Variants in LAMA3 observed in about 807,000 individuals in gnomAD.
LAMA3 encodes laminin subunit alpha-3.
A neutral mutation model predicts 402.0 loss-of-function variants in LAMA3; 281 were observed. The observed-to-expected ratio is 0.70, with a 90% confidence interval of 0.63 to 0.77. The LOEUF (loss-of-function observed/expected upper bound fraction) is 0.77, where lower values mean the gene tolerates loss of function less well. Ranked by LOEUF, LAMA3 falls within the 30% of genes least tolerant of loss-of-function variation. The pLI is 0.00. For synonymous variants in LAMA3, 1,431 were observed against 1,558.4 expected, an observed-to-expected ratio of 0.92 and a Z score of 1.93; for missense variants, 3,840 against 4,215.5, an observed-to-expected ratio of 0.91 and a Z score of 2.47.
chr18:23,861,536 T>G, intron 34 of LAMA3, 110 bp from the exon 35 acceptor site: 1 of 1,252,108 alleles, frequency 8.0e-7, no homozygotes, highest in Non-Finnish European at 1.2e-6. Flanking sequence ...AGGAGGCCTC[T>G]GAGGCAAGGA....
At chr18:23,722,804 G>T (rs1879464242) in intron 2 of LAMA3, among the ~76,000 whole-genome samples, 1 of 152,144 alleles carries the variant, frequency 6.6e-6, no homozygotes, top group Non-Finnish European at 1.5e-5. Flanking sequence ...ATGATAAACG[G>T]AGGTCACTGT....
At chr18:23,716,812 T>A (rs7229859) in intron 2 of LAMA3, among the ~76,000 whole-genome samples, 71,153 of 152,108 alleles carry the variant, frequency 0.47, 18,952 homozygotes, top group Non-Finnish European at 0.61. Context: ...CTCTGCTCAC[T>A]TGCTGTGTGG....
intron 12 of LAMA3, among the ~76,000 whole-genome samples, chr18:23,786,658 A>G (rs892988405): frequency 6.6e-6 from 1 of 152,210 alleles, no homozygotes; most frequent in African/African-American, 2.4e-5. Flanking sequence ...AATAGAAACC[A>G]CTTTTGAATG....
At chr18:23,753,350 A>C (rs2061786270) in intron 5 of LAMA3, among the ~76,000 whole-genome samples, 1 of 152,234 alleles carries the variant, frequency 6.6e-6, no homozygotes. Flanking sequence ...TTGATAAATA[A>C]ATATTTTCAA....
chr18:23,846,780 T>G (rs950682979), intron 31 of LAMA3, among the ~76,000 whole-genome samples: 6 of 152,224 alleles, frequency 3.9e-5, no homozygotes, highest in African/African-American at 1.4e-4. Flanking sequence ...GTGTGGCCTA[T>G]GCACTTGGCA....
intron 2 of LAMA3, among the ~76,000 whole-genome samples, chr18:23,745,944 CA>C (rs1207373908): frequency 3.3e-5 from 5 of 152,096 alleles, no homozygotes; most frequent in African/African-American, 1.2e-4. Context: ...GAGAGATGTG[CA>C]AAGAGTTTTT....
chr18:23,777,182 T>G, intron 10 of LAMA3, among the ~76,000 whole-genome samples: 1 of 152,150 alleles, frequency 6.6e-6, no homozygotes, highest in Non-Finnish European at 1.5e-5. Flanking sequence ...TGAAGTAGTT[T>G]TATGGCATAA....
chr18:23,748,081 T>A, intron 3 of LAMA3, 21 bp downstream of exon 3: 1 of 1,225,490 alleles, frequency 8.2e-7, no homozygotes, highest in Admixed American at 1.7e-5. Context: ...TTGCCTACCA[T>A]GTTATGCATG....
At chr18:23,907,520 A>G (rs755708588) in intron 52 of LAMA3, 30 bp from the exon 53 acceptor site, 10 of 1,469,976 alleles carry the variant, frequency 6.8e-6, no homozygotes, top group African/African-American at 4.2e-5. Flanking sequence ...GCACAAAGTA[A>G]TTGCCTCCTG....
chr18:23,894,896 G>C lies in LAMA3; in HGVS notation c.5462-11G>C. 1 of 1,614,148 alleles carries C rather than the reference G, an allele frequency of 6.2e-7. No homozygotes were observed. The highest frequency in any genetic ancestry group is 8.5e-7 in the Non-Finnish European group (1 of 1,180,026). The stretch of plus-strand genomic sequence containing the variant: ...CCACAGCACATTTGCCTTTGATTGT[G>C]GCCCCTACAGATTGCGACAGCTGTG... On this transcript the variant is annotated splice_polypyrimidine_tract_variant and intron_variant, in intron 43 of 74. Coordinates refer to ENST00000313654, the MANE Select transcript of LAMA3 (RefSeq NM_198129.4).
At chr18:23,803,886 G>A (rs2062912352) in intron 12 of LAMA3, among the ~76,000 whole-genome samples, 1 of 152,220 alleles carries the variant, frequency 6.6e-6, no homozygotes, top group South Asian at 2.1e-4. Flanking sequence ...TGCTGTAGAT[G>A]TGGAATGTAG....
chr18:23,932,387 A>G, intron 66 of LAMA3, 96 bp downstream of exon 66: 1 of 1,342,050 alleles, frequency 7.5e-7, no homozygotes, highest in African/African-American at 1.4e-5. Context: ...CTTTGTCAAC[A>G]TGTGCTGCAC....
Position 23,839,957 on chromosome 18 carries a change from T to G in LAMA3, c.3336+28T>G. 1 of 1,612,656 alleles carries G rather than the reference T, an allele frequency of 6.2e-7. No individual in the cohort carries two copies. The highest frequency in any genetic ancestry group is 8.5e-7 in the Non-Finnish European group (1 of 1,178,724). ...AGTGTGCTGTTTCTAAACCAGTGGT[T>G]CTCAAAGTATGACCTCTGAAGCAGC... is the stretch of plus-strand genomic sequence containing the variant. On this transcript the variant is annotated intron_variant, in intron 27 of 74. Coordinates refer to ENST00000313654, the MANE Select transcript of LAMA3 (RefSeq NM_198129.4). The surrounding 1 kb of genome is among the most constrained non-coding windows in gnomAD (Gnocchi z 4.5).
rs1170446968 is a variant in LAMA3 at position 23,916,557 on chromosome 18, G to A, written c.7785G>A (p.Lys2595=). 7.3e-5 allele frequency: 118 copies of A among 1,613,970 alleles called. No homozygotes were observed. The highest frequency in any genetic ancestry group is 9.7e-5 in the Non-Finnish European group (115 of 1,179,958). ...TGATGATTAATGTTGACAGGAGGAA[G>A]GAAGAGTCAGACAAAAATTATTTTG... ...TTEVEPCRRR[K]EESDKNYFEG... is the part of the protein sequence containing the mutation. Residue 2595 remains lysine, a synonymous_variant, in exon 60 of 75, where the codon AAG becomes AAA. Coordinates refer to ENST00000313654, the MANE Select transcript of LAMA3 (RefSeq NM_198129.4).
At position 23,950,043 on chromosome 18, in the gene LAMA3, T is replaced by C. The variant is rs757797128; in HGVS notation, c.9526T>C (p.Leu3176=). The C allele has an allele frequency of 1.9e-6, 3 of 1,614,224 alleles. No homozygotes were observed. Among genetic ancestry groups the C allele is most frequent in the South Asian group, 2.2e-5 (2 of 91,072 alleles). The part of the protein sequence containing the change: ...GHVVLAHSVL[L]GPEFKLVFSI... ...TCTTTTGAAAGCTCACTCTGTATTG[T>C]TGGGGCCAGAATTTAAGCTTGTTTT... Residue 3176 remains leucine, a synonymous_variant, in exon 72 of 75, where the codon TTG becomes CTG. Coordinates refer to ENST00000313654, the MANE Select transcript of LAMA3 (RefSeq NM_198129.4).
At chr18:23,695,796 C>CAAAAAAAAAAAAAAAAAAAAAA (rs58873998) in intron 1 of LAMA3, among the ~76,000 whole-genome samples, 1 of 38,620 alleles carries the variant, frequency 2.6e-5, no homozygotes, top group Non-Finnish European at 4.1e-5. Flanking sequence ...GACTCCATCT[C>CAAAAAAAAAAAAAAAAAAAAAA]AAAAAAAAAA....
At chr18:23,745,076 A>T (rs974146655) in intron 2 of LAMA3, among the ~76,000 whole-genome samples, 8 of 152,200 alleles carry the variant, frequency 5.3e-5, no homozygotes, top group African/African-American at 1.9e-4. Context: ...TGTTGAATTT[A>T]TGTAGAAGAA....
chr18:23,847,312 G>A, intron 31 of LAMA3, 152 bp from the exon 32 acceptor site: 1 of 795,012 alleles, frequency 1.3e-6, no homozygotes, highest in Non-Finnish European at 2.1e-6. Context: ...ATTTGGTGTG[G>A]TTGGTCTTGA....
chr18:23,916,098 C>G (rs947541637), intron 59 of LAMA3, among the ~76,000 whole-genome samples: 5 of 149,990 alleles, frequency 3.3e-5, no homozygotes, highest in African/African-American at 9.9e-5. Context: ...TGTGCCATGA[C>G]TTTTTTGGTA....
Sources: allele counts gnomAD v4.1 joint callset (sites outside exome capture counted in the v4.1 genomes callset), GRCh38; gene constraint gnomAD v4.1.1; non-coding constraint Gnocchi (gnomAD v3.1); transcripts MANE v1.5; gene names NCBI Gene and HGNC (gene_info 2026-07-23, HGNC 2026-07-21).